The following ENTREP2 variants were observed in gnomAD, a reference collection of about 807,000 sequenced individuals.
ENTREP2 encodes protein ENTREP2.
chr15:29,591,398 C>T, the ENTREP2 span, among the ~76,000 whole-genome samples: 1 of 152,204 alleles, frequency 6.6e-6, no homozygotes, highest in Non-Finnish European at 1.5e-5. Flanking sequence ...CATGGATAAG[C>T]AGACCCCATA....
At chr15:29,575,661 G>A in the ENTREP2 span, among the ~76,000 whole-genome samples, 1 of 152,026 alleles carries the variant, frequency 6.6e-6, no homozygotes, top group African/African-American at 2.4e-5. Context: ...ATTCAGCAAA[G>A]TTACCAGGTA....
the ENTREP2 span, among the ~76,000 whole-genome samples, chr15:29,521,982 A>AG: frequency 6.6e-6 from 1 of 152,218 alleles, no homozygotes; most frequent in Non-Finnish European, 1.5e-5. Context: ...ACACATATAC[A>AG]GAAAAAAATC....
At chr15:29,487,909 T>C in the ENTREP2 span, among the ~76,000 whole-genome samples, 1 of 152,194 alleles carries the variant, frequency 6.6e-6, no homozygotes, top group Non-Finnish European at 1.5e-5. Context: ...GCCAGGCTGG[T>C]CTCAAACTCC....
chr15:29,245,536 TA>T, the ENTREP2 span, among the ~76,000 whole-genome samples: 1 of 151,698 alleles, frequency 6.6e-6, no homozygotes, highest in Non-Finnish European at 1.5e-5. Flanking sequence ...AAAAGATGCA[TA>T]ACAAACTATT....
chr15:29,419,267 T>C, the ENTREP2 span, among the ~76,000 whole-genome samples: 2 of 151,882 alleles, frequency 1.3e-5, no homozygotes, highest in African/African-American at 4.8e-5. Context: ...AAAAGAAGAA[T>C]TTCACCAGAT....
the ENTREP2 span, among the ~76,000 whole-genome samples, chr15:29,532,653 C>A: frequency 6.6e-6 from 1 of 152,206 alleles, no homozygotes; most frequent in African/African-American, 2.4e-5. Context: ...TTAGCTAAAC[C>A]AATGCTTAAG....
At chr15:29,272,572 G>C in the ENTREP2 span, among the ~76,000 whole-genome samples, 1 of 152,102 alleles carries the variant, frequency 6.6e-6, no homozygotes, top group Admixed American at 6.6e-5. Flanking sequence ...TCTGCGGGGC[G>C]GCCATTCCAA....
At chr15:29,339,480 T>C in the ENTREP2 span, among the ~76,000 whole-genome samples, 1 of 151,334 alleles carries the variant, frequency 6.6e-6, no homozygotes, top group Non-Finnish European at 1.5e-5. Flanking sequence ...GGGGATGAAC[T>C]GTGAAGTGAA....
At chr15:29,276,977 G>T in the ENTREP2 span, among the ~76,000 whole-genome samples, 2 of 152,208 alleles carry the variant, frequency 1.3e-5, no homozygotes, top group Non-Finnish European at 2.9e-5. Context: ...TGGGGAATGT[G>T]CTCATCATTT....
chr15:29,391,806 T>A, the ENTREP2 span, among the ~76,000 whole-genome samples: 1 of 152,156 alleles, frequency 6.6e-6, no homozygotes, highest in East Asian at 1.9e-4. Context: ...TTTGTAATAG[T>A]TTTTTTGGTT....
chr15:29,257,026 T>C, the ENTREP2 span, among the ~76,000 whole-genome samples: 2 of 150,348 alleles, frequency 1.3e-5, no homozygotes, highest in Non-Finnish European at 2.9e-5. Flanking sequence ...CACAGATGAA[T>C]CACAGTTTAT....
At chr15:29,238,642 A>T in the ENTREP2 span, among the ~76,000 whole-genome samples, 1 of 152,094 alleles carries the variant, frequency 6.6e-6, no homozygotes, top group African/African-American at 2.4e-5. Context: ...CTCAGAAAAA[A>T]AAAAAGAGGT....
At chr15:29,674,527 C>T in the ENTREP2 span, among the ~76,000 whole-genome samples, 1 of 152,160 alleles carries the variant, frequency 6.6e-6, no homozygotes, top group Non-Finnish European at 1.5e-5. Context: ...CTCGGCCTCC[C>T]AAAGTGCCGG....
At chr15:29,650,152 G>A in the ENTREP2 span, among the ~76,000 whole-genome samples, 1 of 151,192 alleles carries the variant, frequency 6.6e-6, no homozygotes, top group Non-Finnish European at 1.5e-5. Context: ...TTCTCAAGTA[G>A]AAAAGCCACT....
chr15:29,411,960 C>T, the ENTREP2 span, among the ~76,000 whole-genome samples: 1 of 152,188 alleles, frequency 6.6e-6, no homozygotes, highest in African/African-American at 2.4e-5. Flanking sequence ...TTTGCACCTA[C>T]ACTTACTGTC....
At chr15:29,460,256 C>A in the ENTREP2 span, among the ~76,000 whole-genome samples, 3 of 151,324 alleles carry the variant, frequency 2.0e-5, no homozygotes, top group Non-Finnish European at 2.9e-5. Flanking sequence ...TATCTCTTAA[C>A]AACAACAAAG....
the ENTREP2 span, among the ~76,000 whole-genome samples, chr15:29,292,650 G>C: frequency 6.6e-6 from 1 of 152,140 alleles, no homozygotes; most frequent in Non-Finnish European, 1.5e-5. Context: ...CAAAGTGCTG[G>C]GATTACAAGC....
chr15:29,416,753 C>A, the ENTREP2 span, among the ~76,000 whole-genome samples: 12 of 152,142 alleles, frequency 7.9e-5, no homozygotes, highest in Non-Finnish European at 1.5e-4. Context: ...ACTCATCTGA[C>A]AAAGGGCTCA....
At chr15:29,413,283 TTTAAG>T in the ENTREP2 span, among the ~76,000 whole-genome samples, 2 of 152,162 alleles carry the variant, frequency 1.3e-5, no homozygotes, top group Admixed American at 6.6e-5. Flanking sequence ...GGTTGTGTTC[TTTAAG>T]TTATTACATA....
Sources: allele counts gnomAD v4.1 joint callset (sites outside exome capture counted in the v4.1 genomes callset), GRCh38; gene constraint gnomAD v4.1.1; transcripts MANE v1.5; gene names NCBI Gene and HGNC (gene_info 2026-07-23, HGNC 2026-07-21).